Variants in RGS14 observed in about 807,000 individuals in gnomAD.
The protein encoded by RGS14 is regulator of G-protein signaling 14.
Under a neutral mutation model 63.8 loss-of-function variants are expected in RGS14, and 33 were observed. The ratio of observed to expected loss-of-function variants is 0.52; its 90% confidence interval spans 0.39 to 0.69. The LOEUF (loss-of-function observed/expected upper bound fraction) is 0.69. Ranked by LOEUF, RGS14 falls within the 30% of genes least tolerant of loss-of-function variation. RGS14 has a pLI of 0.00. For missense variants in RGS14, 739 were observed against 742.9 expected (o/e 0.99, Z 0.06); for synonymous variants, 296 against 320.9 (o/e 0.92, Z 0.83).
At chr5:177,360,470 G>A (rs1038956145) in intron 1 of RGS14, among the ~76,000 whole-genome samples, 2 of 150,770 alleles carry the variant, frequency 1.3e-5, no homozygotes, top group African/African-American at 4.9e-5. Context: ...AAACTGAGGT[G>A]GGAGGATCGT....
Position 177,371,795 on chromosome 5 carries a change from G to A in RGS14, c.1499-78G>A, listed in dbSNP as rs1762277593. On this transcript the variant is annotated intron_variant, in intron 14 of 14. Transcript: ENST00000408923. The surrounding 1 kb of genome is among the most constrained non-coding windows in gnomAD (Gnocchi z 6.1). The stretch of plus-strand genomic sequence containing the variant: ...TGGGGCCAGGGAGGCAGTGGCCACA[G>A]TAAGGCAGTGGGACTATCGTGGGCT... 1.4e-6 allele frequency: 2 copies of A among 1,476,910 alleles called. No homozygotes were observed. The highest frequency in any genetic ancestry group is 1.8e-5 in the Admixed American group (1 of 55,576). The allele number at this position is 1,476,910 out of a possible 1,614,324, so 91.5% of individuals were successfully genotyped here. A position where few individuals can be genotyped will look rare whatever the true frequency, so the allele number is the denominator to read the frequency against.
chr5:177,359,703 C>T lies in RGS14; in HGVS notation c.45+1634C>T, dbSNP rs1480506905. Among the ~76,000 whole-genome samples the T allele has an allele frequency of 6.6e-6, 1 of 152,238 alleles. No individual in the cohort carries two copies. The highest frequency in any genetic ancestry group is 2.4e-5 in the African/African-American group (1 of 41,464). Reference sequence around the variant, plus strand: ...CTGTTCCAAACTCTCTGTGCCACCTCTTAGAATCCCGAGGGTCACAGATTG... The same window carrying T: ...CTGTTCCAAACTCTCTGTGCCACCTTTTAGAATCCCGAGGGTCACAGATTG... On this transcript the variant is annotated intron_variant, in intron 1 of 14. Transcript: ENST00000408923. This position sits in a 1 kb window ranked among gnomAD's most constrained non-coding sequence, Gnocchi z 4.4.
chr5:177,370,871 C>T (rs779468643), intron 10 of RGS14, 34 bp from the exon 11 acceptor site: 3 of 1,568,738 alleles, frequency 1.9e-6, no homozygotes, highest in Non-Finnish European at 2.6e-6. Flanking sequence ...GGGGCCGGCC[C>T]TCCGGCCCTC....
chr5:177,369,276 T>TA (rs2127334992), intron 9 of RGS14, among the ~76,000 whole-genome samples: 1 of 152,300 alleles, frequency 6.6e-6, no homozygotes, highest in Admixed American at 6.5e-5. Context: ...CCTTAGCCTC[T>TA]AGGGGCACCC....
Position 177,367,799 on chromosome 5 carries a change from G to T in RGS14, c.713G>T (p.Arg238Leu). Residue 238 changes from arginine to leucine, a missense_variant, in exon 7 of 15, where the codon CGC (arginine) becomes CTC (leucine). Coordinates refer to ENST00000408923, the MANE Select transcript of RGS14 (RefSeq NM_006480.5). Reference sequence around the variant, plus strand: ...CCACCCGTTGAGGGTCCTGGGGGCCGCCCTCTCCGCAAGTCCTTCCGCCGG... The same window carrying T: ...CCACCCGTTGAGGGTCCTGGGGGCCTCCCTCTCCGCAAGTCCTTCCGCCGG... ...QLPPVEGPGG[R>L]PLRKSFRREL... 1.2e-6 allele frequency: 2 copies of T among 1,604,492 alleles called. No individual in the cohort carries two copies. Among genetic ancestry groups the T allele is most frequent in the Non-Finnish European group, 8.5e-7 (1 of 1,175,606 alleles).
chr5:177,369,767 G>A (rs949785811), intron 9 of RGS14, among the ~76,000 whole-genome samples: 12 of 152,356 alleles, frequency 7.9e-5, no homozygotes, highest in Middle Eastern at 6.8e-3. Flanking sequence ...AGGGGTGCGA[G>A]GGCAGTAGTG....
intron 9 of RGS14, 48 bp downstream of exon 9, chr5:177,368,968 C>T (rs1440008832): frequency 6.4e-7 from 1 of 1,565,108 alleles, no homozygotes; most frequent in African/African-American, 1.4e-5. Flanking sequence ...CTGATCCTGA[C>T]CCCAACTCCA....
In RGS14 at chr5:177,371,062, G is replaced by T; in HGVS notation, c.1254+31G>T. On this transcript the variant is annotated intron_variant, in intron 11 of 14. Coordinates refer to ENST00000408923, the MANE Select transcript of RGS14 (RefSeq NM_006480.5). The surrounding 1 kb of genome is among the most constrained non-coding windows in gnomAD (Gnocchi z 6.1). The stretch of plus-strand genomic sequence containing the variant: ...CTTCCGGGCCGCGGGGCGGGGCGGG[G>T]CGGGGCCGGGCCGGGGCCGGGGCCG... 3 of 1,104,988 alleles carry T rather than the reference G, an allele frequency of 2.7e-6. No homozygotes were observed. Among genetic ancestry groups the T allele is most frequent in the Non-Finnish European group, 3.3e-6 (3 of 909,028 alleles). The allele number at this position is 1,104,988 out of a possible 1,614,324, so 68.4% of individuals were successfully genotyped here. A position where few individuals can be genotyped will look rare whatever the true frequency, so the allele number is the denominator to read the frequency against.
chr5:177,368,903 C>T lies in RGS14; in HGVS notation c.1036C>T (p.Leu346=), dbSNP rs200110634. Residue 346 remains leucine, a synonymous_variant, in exon 9 of 15, where the codon CTG becomes TTG. Coordinates refer to ENST00000408923, the MANE Select transcript of RGS14 (RefSeq NM_006480.5). The stretch of plus-strand genomic sequence containing the variant: ...CTCTCTACCTGACATCAAGGTCTAC[C>T]TGGTGGGCAATGAACAGGTGGGAAC... ...GLSLPDIKVY[L]VGNEQALVLD... is the part of the protein sequence containing the mutation. 10 of 1,614,222 alleles carry T rather than the reference C, an allele frequency of 6.2e-6. No individual in the cohort carries two copies. Among genetic ancestry groups the T allele is most frequent in the Middle Eastern group, 1.6e-4 (1 of 6,062 alleles).
At chr5:177,362,347 G>A (rs1032946318) in intron 1 of RGS14, among the ~76,000 whole-genome samples, 2 of 152,140 alleles carry the variant, frequency 1.3e-5, no homozygotes, top group Non-Finnish European at 2.9e-5. Flanking sequence ...CCAAGGCCAG[G>A]GTCCTGATGG....
rs1167592183 is a variant in RGS14, at chr5:177,364,665, C to T, written c.46-1298C>T. 6.6e-6 allele frequency among the ~76,000 whole-genome samples: 1 copy of T among 152,140 alleles called. No homozygotes were observed. The highest frequency in any genetic ancestry group is 2.4e-5 in the African/African-American group (1 of 41,430). Reference sequence around the variant, plus strand: ...GACAGAGCCAGAGAGGGGTTGAGGCCACATTGCATGAGTGGGAGATAGTGG... The same window carrying T: ...GACAGAGCCAGAGAGGGGTTGAGGCTACATTGCATGAGTGGGAGATAGTGG... On this transcript the variant is annotated intron_variant, in intron 1 of 14. Coordinates refer to ENST00000408923, the MANE Select transcript of RGS14 (RefSeq NM_006480.5). This position sits in a 1 kb window ranked among gnomAD's most constrained non-coding sequence, Gnocchi z 4.6.
chr5:177,360,524 C>G (rs929568172), intron 1 of RGS14, among the ~76,000 whole-genome samples: 4 of 135,586 alleles, frequency 3.0e-5, no homozygotes, highest in Admixed American at 7.8e-5. Context: ...TGATCACACT[C>G]AGACTGCACT....
rs1481470827 is a variant in RGS14 at position 177,358,473 on chromosome 5, C to T, written c.45+404C>T. Among the ~76,000 whole-genome samples the T allele has an allele frequency of 5.3e-5, 8 of 152,216 alleles. No homozygotes were observed. The highest frequency in any genetic ancestry group is 1.9e-4 in the African/African-American group (8 of 41,464). ...CCCTCCTCACCCCCTGCTCCAGGTG[C>T]CCAAGGTCATGTTAGTGGCAGCTCT... is the stretch of plus-strand genomic sequence containing the variant. On this transcript the variant is annotated intron_variant, in intron 1 of 14. Transcript: ENST00000408923. The surrounding 1 kb of genome is among the most constrained non-coding windows in gnomAD (Gnocchi z 4.8).
chr5:177,371,044 G>T lies in RGS14; in HGVS notation c.1254+13G>T. 7.0e-7 allele frequency: 1 copy of T among 1,418,830 alleles called. No homozygotes were observed. Among genetic ancestry groups the T allele is most frequent in the South Asian group, 1.3e-5 (1 of 77,264 alleles). The allele number at this position is 1,418,830 out of a possible 1,614,324, so 87.9% of individuals were successfully genotyped here. On this transcript the variant is annotated intron_variant, in intron 11 of 14. Coordinates refer to ENST00000408923, the MANE Select transcript of RGS14 (RefSeq NM_006480.5). The surrounding 1 kb of genome is among the most constrained non-coding windows in gnomAD (Gnocchi z 6.1). ...GGTGCTGCACCGGGTGAGCTTCCGGGCCGCGGGGCGGGGCGGGGCGGGGCC... is the reference window on the plus strand; with the variant it reads ...GGTGCTGCACCGGGTGAGCTTCCGGTCCGCGGGGCGGGGCGGGGCGGGGCC...
At position 177,372,085 on chromosome 5, in the gene RGS14, A is replaced by G; in HGVS notation, c.*10A>G. 6.2e-7 allele frequency: 1 copy of G among 1,612,990 alleles called. No homozygotes were observed. The highest frequency in any genetic ancestry group is 8.5e-7 in the Non-Finnish European group (1 of 1,179,416). On this transcript the variant is annotated 3_prime_UTR_variant, in exon 15 of 15. Coordinates refer to ENST00000408923, the MANE Select transcript of RGS14 (RefSeq NM_006480.5). ...CGACTCAGCCCTCTGACAGCTACCC[A>G]ACAGTCCAGGACAGCTGCATGGCAC...
rs764306181 is a variant in RGS14 at position 177,371,373 on chromosome 5, G to A, written c.1360G>A (p.Asp454Asn). The A allele has an allele frequency of 6.2e-7, 1 of 1,614,078 alleles. No individual in the cohort carries two copies. Among genetic ancestry groups the A allele is most frequent in the South Asian group, 1.1e-5 (1 of 91,076 alleles). The change falls in exon 13 of 15, where the codon GAC (aspartate) becomes AAC (asparagine). Residue 454 changes from aspartate to asparagine, a missense_variant. Asp to Asn is a conservative substitution (Grantham distance 23). Transcript: ENST00000408923. This position sits in a 1 kb window ranked among gnomAD's most constrained non-coding sequence, Gnocchi z 6.1. ...LPGVKISKARDKSPCRSQGCP... is the reference protein window; with the variant it reads ...LPGVKISKARNKSPCRSQGCP... ...AGGTGTGAAGATCTCCAAAGCCCGTGACAAATCTCCCTGCCGCAGCCAGGT... is the reference window on the plus strand; with the variant it reads ...AGGTGTGAAGATCTCCAAAGCCCGTAACAAATCTCCCTGCCGCAGCCAGGT...
At position 177,371,622 on chromosome 5, in the gene RGS14, C is replaced by T; in HGVS notation, c.1498+33C>T. 6.3e-7 allele frequency: 1 copy of T among 1,593,170 alleles called. No individual in the cohort carries two copies. Among genetic ancestry groups the T allele is most frequent in the Non-Finnish European group, 8.6e-7 (1 of 1,161,280 alleles). ...GTGGATGAGCTGGGGATCAGAAAGA[C>T]TAGGGCAGTGGGGTTGGGGACCATT... On this transcript the variant is annotated intron_variant, in intron 14 of 14. Transcript: ENST00000408923. The surrounding 1 kb of genome is among the most constrained non-coding windows in gnomAD (Gnocchi z 6.1).
At position 177,358,718 on chromosome 5, in the gene RGS14, G is replaced by A. The variant is rs1046235946; in HGVS notation, c.45+649G>A. On this transcript the variant is annotated intron_variant, in intron 1 of 14. Coordinates refer to ENST00000408923, the MANE Select transcript of RGS14 (RefSeq NM_006480.5). This position sits in a 1 kb window ranked among gnomAD's most constrained non-coding sequence, Gnocchi z 4.8. ...TCCCTGGCTGCTTAGCCCCAGATCA[G>A]AGCTGCCCTCAGAGGATCTGGCTCT... is the stretch of plus-strand genomic sequence containing the variant. 2.0e-5 allele frequency among the ~76,000 whole-genome samples: 3 copies of A among 152,226 alleles called. No individual in the cohort carries two copies. The East Asian group carries it at 5.8e-4, about 29-fold the overall frequency.
In RGS14 at chr5:177,371,067, GCCGGGC is replaced by G. The variant is rs764654738; in HGVS notation, c.1254+38_1254+43del. 3.9e-3 allele frequency: 2,588 copies of G among 656,730 alleles called. 208 individuals are homozygous for G. The African/African-American group carries it at 0.073, about 19-fold the overall frequency. The allele number at this position is 656,730 out of a possible 1,614,324, so 40.7% of individuals were successfully genotyped here. A position where few individuals can be genotyped will look rare whatever the true frequency, so the allele number is the denominator to read the frequency against. On this transcript the variant is annotated intron_variant, in intron 11 of 14. Coordinates refer to ENST00000408923, the MANE Select transcript of RGS14 (RefSeq NM_006480.5). This position sits in a 1 kb window ranked among gnomAD's most constrained non-coding sequence, Gnocchi z 6.1. ...GGGCCGCGGGGCGGGGCGGGGCGGG[GCCGGGC>G]CGGGGCCGGGGCCGGGGCCGGGGCC...
Sources: allele counts gnomAD v4.1 joint callset (sites outside exome capture counted in the v4.1 genomes callset), GRCh38; gene constraint gnomAD v4.1.1; non-coding constraint Gnocchi (gnomAD v3.1); transcripts MANE v1.5; gene names NCBI Gene and HGNC (gene_info 2026-07-23, HGNC 2026-07-21).